The following MFGE8 variants were observed in gnomAD, a reference collection of about 807,000 sequenced individuals.
MFGE8 encodes lactadherin.
In MFGE8, 34 loss-of-function variants were observed where a neutral mutation model predicts 42.6. The observed-to-expected ratio is 0.80, with a 90% CI of 0.61 to 1.06. MFGE8 has a LOEUF of 1.06. Ranked by LOEUF, MFGE8 falls within the 50% of genes least tolerant of loss-of-function variation. The pLI, the probability that MFGE8 is intolerant of heterozygous loss-of-function variation, is 0.00. For missense variants in MFGE8, 510 were observed against 516.9 expected (o/e 0.99, Z 0.13); for synonymous variants, 230 against 214.8 (o/e 1.07, Z -0.62).
At chr15:88,911,136 G>A (rs554770444) in intron 1 of MFGE8, 1 of 152,548 alleles carries the variant, frequency 6.6e-6, no homozygotes, top group South Asian at 2.1e-4. Flanking sequence ...AGAGCATGGT[G>A]AGAGAGGAAG....
chr15:88,910,321 C>T (rs1287654816), intron 1 of MFGE8: 2 of 330,630 alleles, frequency 6.0e-6, no homozygotes, highest in Non-Finnish European at 5.9e-6. Flanking sequence ...GACTTTCAGG[C>T]AGGGGCAGTG....
rs576317790 is a variant in MFGE8 at position 88,903,583 on chromosome 15, G to C, written c.686-1848C>G. 11 of 152,308 alleles carry C rather than the reference G, an allele frequency of 7.2e-5. No individual in the cohort carries two copies. The highest frequency in any genetic ancestry group is 2.6e-4 in the African/African-American group (11 of 41,544). The allele number at this position is 152,308 out of a possible 1,614,324, so 9.4% of individuals were successfully genotyped here. A position where few individuals can be genotyped will look rare whatever the true frequency, so the allele number is the denominator to read the frequency against. On this transcript the variant is annotated intron_variant, in intron 5 of 7. Transcript: ENST00000268150. The surrounding 1 kb of genome is among the most constrained non-coding windows in gnomAD (Gnocchi z 4.9). ...ACTGCAACCTCCACCTTCTGACCGG[G>C]TTCAGGCAATTATCCTGCCTCAGCC...
intron 2 of MFGE8, among the ~76,000 whole-genome samples, chr15:88,908,174 T>C (rs925940514): frequency 6.6e-6 from 1 of 152,020 alleles, no homozygotes; most frequent in Non-Finnish European, 1.5e-5. Context: ...AGGCCAAGCT[T>C]CTCTCATCAC....
intron 6 of MFGE8, among the ~76,000 whole-genome samples, chr15:88,900,390 T>TGCA (rs1457304344): frequency 6.6e-6 from 1 of 152,154 alleles, no homozygotes; most frequent in East Asian, 1.9e-4. Flanking sequence ...AGACCTGCAC[T>TGCA]GCACTGTGAT....
At chr15:88,901,116 T>C (rs28524946) in intron 6 of MFGE8, among the ~76,000 whole-genome samples, 19,000 of 62,880 alleles carry the variant, frequency 0.3, 4,450 homozygotes, top group Middle Eastern at 0.5. Context: ...CATTCACACA[T>C]ACACATTCAC....
At chr15:88,910,583 G>A (rs1328440062) in intron 1 of MFGE8, 1 of 160,824 alleles carries the variant, frequency 6.2e-6, no homozygotes, top group Non-Finnish European at 1.4e-5. Context: ...CAACGCTCCA[G>A]AAGCCTGCAT....
chr15:88,912,081 G>A (rs1898988830), intron 1 of MFGE8: 1 of 1,284,436 alleles, frequency 7.8e-7, no homozygotes. Flanking sequence ...GGTCCAGTGG[G>A]AAAAAGGGAA....
Position 88,901,641 on chromosome 15 carries a change from G to A in MFGE8, c.780C>T (p.Phe260=), listed in dbSNP as rs1898438729. 33 of 1,613,914 alleles carry A rather than the reference G, an allele frequency of 2.0e-5. No homozygotes were observed. Among genetic ancestry groups the A allele is most frequent in the Non-Finnish European group, 2.8e-5 (33 of 1,180,002 alleles). The change falls in exon 6 of 8, where the codon TTC becomes TTT. Residue 260 remains phenylalanine (F), a synonymous_variant. Transcript: ENST00000268150. The stretch of plus-strand genomic sequence containing the variant: ...GCCGTGCATAGGAGGGGTTCCAGCT[G>A]AAGAGATGCAAGCCCCAGGTCTTGT... ...SSYKTWGLHL[F]SWNPSYARLD...
At chr15:88,909,596 C>A (rs1238007663) in intron 2 of MFGE8, among the ~76,000 whole-genome samples, 196 bp downstream of exon 2, 2 of 152,216 alleles carry the variant, frequency 1.3e-5, no homozygotes, top group African/African-American at 4.8e-5. Context: ...AAGGAAGAAA[C>A]AACAGGACCC....
chr15:88,900,998 C>CATTCACATACAT (rs1898337575), intron 6 of MFGE8, among the ~76,000 whole-genome samples: 1 of 144,366 alleles, frequency 6.9e-6, no homozygotes, highest in African/African-American at 2.7e-5. Context: ...TTCACACACA[C>CATTCACATACAT]ACATTCACAC....
chr15:88,913,203 CGGGGAGGAGGGGCGA>C lies in MFGE8; in HGVS notation c.73+29_73+43del, dbSNP rs775081430. Reference sequence around the variant, plus strand: ...GCGCCGGGCAAACTTCCGAGCGGCGCGGGGAGGAGGGGCGAGGGGCAGAGGGCGGCGCGATCCACT... The same window carrying C: ...GCGCCGGGCAAACTTCCGAGCGGCGCGGGGCAGAGGGCGGCGCGATCCACT... On this transcript the variant is annotated intron_variant, in intron 1 of 7. Coordinates refer to ENST00000268150, the MANE Select transcript of MFGE8 (RefSeq NM_005928.4). 2.0e-6 allele frequency: 3 copies of C among 1,483,360 alleles called. 1 individual carries two copies. Among genetic ancestry groups the C allele is most frequent in the South Asian group, 2.6e-5 (2 of 78,174 alleles). The allele number at this position is 1,483,360 out of a possible 1,614,324, so 91.9% of individuals were successfully genotyped here.
At chr15:88,913,106 G>C (rs1899044852) in intron 1 of MFGE8, 141 bp downstream of exon 1, 2 of 1,318,774 alleles carry the variant, frequency 1.5e-6, no homozygotes, top group South Asian at 4.2e-5. Context: ...CGCAGCGGAA[G>C]AAGCCGCCCC....
rs1218088273 is a variant in MFGE8, at chr15:88,905,421, C to T, written c.685+336G>A. On this transcript the variant is annotated intron_variant, in intron 5 of 7. Transcript: ENST00000268150. The surrounding 1 kb of genome is among the most constrained non-coding windows in gnomAD (Gnocchi z 6.6). ...AAACAAAACAGACAGATTCTCTGCC[C>T]TCGTAAAGCTGACATCTGCCAAACA... 2 of 512,544 alleles carry T rather than the reference C, an allele frequency of 3.9e-6. No individual in the cohort carries two copies. The highest frequency in any genetic ancestry group is 4.6e-5 in the Admixed American group (2 of 43,566). The allele number at this position is 512,544 out of a possible 1,614,324, so 31.7% of individuals were successfully genotyped here.
chr15:88,906,117 A>C lies in MFGE8; in HGVS notation c.541-216T>G. 1 of 610,596 alleles carries C rather than the reference A, an allele frequency of 1.6e-6. No individual in the cohort carries two copies. Among genetic ancestry groups the C allele is most frequent in the Non-Finnish European group, 2.9e-6 (1 of 344,242 alleles). The allele number at this position is 610,596 out of a possible 1,614,324, so 37.8% of individuals were successfully genotyped here. ...TCTCCTCTCACTTTCCTTAATCATC[A>C]TGGAGCCTGGGCATAAACCCCTATA... On this transcript the variant is annotated intron_variant, in intron 4 of 7. Transcript: ENST00000268150. This position sits in a 1 kb window ranked among gnomAD's most constrained non-coding sequence, Gnocchi z 4.2.
At chr15:88,912,006 G>T in intron 1 of MFGE8, 1 of 736,908 alleles carries the variant, frequency 1.4e-6, no homozygotes. Context: ...AGAGGCTTGG[G>T]TTGGGAATGG....
chr15:88,905,336 C>G lies in MFGE8; in HGVS notation c.685+421G>C. Reference sequence around the variant, plus strand: ...CTCATTCATTCATTCGCTCATTCATCAAATATTTATTGAGTACCTATAAAC... The same window carrying G: ...CTCATTCATTCATTCGCTCATTCATGAAATATTTATTGAGTACCTATAAAC... On this transcript the variant is annotated intron_variant, in intron 5 of 7. Transcript: ENST00000268150. The surrounding 1 kb of genome is among the most constrained non-coding windows in gnomAD (Gnocchi z 6.6). 1 of 371,686 alleles carries G rather than the reference C, an allele frequency of 2.7e-6. No homozygotes were observed. The highest frequency in any genetic ancestry group is 2.0e-5 in the South Asian group (1 of 48,792). 23.0% of individuals were successfully genotyped at this position (371,686 alleles called of 1,614,324 possible). A position where few individuals can be genotyped will look rare whatever the true frequency, so the allele number is the denominator to read the frequency against.
Position 88,905,800 on chromosome 15 carries a change from C to T in MFGE8, c.642G>A (p.Thr214=), listed in dbSNP as rs368834014. ...GTAGCTCAAAGCGCAGAGTGCAGGC[C>T]GTGTGGCAGCTCGTGGGGTACAATC... ...YVRLYPTSCH[T]ACTLRFELLG... The change falls in exon 5 of 8, where the codon ACG becomes ACA. Residue 214 remains threonine, a synonymous_variant. Transcript: ENST00000268150. This position sits in a 1 kb window ranked among gnomAD's most constrained non-coding sequence, Gnocchi z 6.6. 1.9e-5 allele frequency: 31 copies of T among 1,614,068 alleles called. No homozygotes were observed. Among genetic ancestry groups the T allele is most frequent in the Non-Finnish European group, 2.3e-5 (27 of 1,180,044 alleles).
At chr15:88,900,998 C>T (rs796073551) in intron 6 of MFGE8, among the ~76,000 whole-genome samples, 55,455 of 143,692 alleles carry the variant, frequency 0.39, 11,169 homozygotes, top group Non-Finnish European at 0.45. Flanking sequence ...TTCACACACA[C>T]ACATTCACAC....
rs2141713404 is a variant in MFGE8, at chr15:88,907,192, T to C, written c.387+3A>G. ...CCCGCCCCAGGGCCATCCCCAGGCA[T>C]ACCTGGATCCAGGGGTTATCGTCAT... On this transcript the variant is annotated splice_donor_region_variant and intron_variant, in intron 3 of 7. Transcript: ENST00000268150. The C allele has an allele frequency of 1.2e-6, 2 of 1,612,344 alleles. No individual in the cohort carries two copies. The highest frequency in any genetic ancestry group is 2.2e-5 in the East Asian group (1 of 44,798).
Sources: gnomAD v4.1 joint callset for allele counts (sites outside exome capture counted in the v4.1 genomes callset) on GRCh38, gnomAD v4.1.1 for gene constraint, Gnocchi (gnomAD v3.1) non-coding constraint, MANE v1.5 for transcripts, NCBI Gene and HGNC (gene_info 2026-07-23, HGNC 2026-07-21) for gene names.